The following KIN variants were observed in gnomAD, a reference collection of about 807,000 sequenced individuals.
KIN encodes Kin17 DNA and RNA binding protein, also known as DNA/RNA-binding protein KIN17.
Under a neutral mutation model 63.0 loss-of-function variants are expected in KIN, and 47 were observed. That is an observed-to-expected ratio of 0.75 (90% CI 0.59 to 0.95). The LOEUF is 0.95. Among genes scored for constraint, KIN ranks in the 40% least tolerant of loss-of-function variants. The pLI is 0.00. For synonymous variants in KIN, 160 were observed against 157.7 expected (o/e 1.01, Z -0.11); for missense variants, 408 against 460.9 (o/e 0.89, Z 1.05).
chr10:7,761,338 C>T (rs1321840152), intron 11 of KIN: 1 of 152,118 alleles, frequency 6.6e-6, no homozygotes, highest in African/African-American at 2.4e-5. Context: ...CTGATGTTAT[C>T]ACTACATTGG....
At chr10:7,774,971 G>A in intron 6 of KIN, 80 bp from the exon 7 acceptor site, 1 of 992,902 alleles carries the variant, frequency 1.0e-6, no homozygotes, top group Non-Finnish European at 1.6e-6. Context: ...ACTACAAAGT[G>A]TTCACAGAGG....
intron 7 of KIN, among the ~76,000 whole-genome samples, chr10:7,769,988 T>A (rs541104194): frequency 6.6e-6 from 1 of 152,318 alleles, no homozygotes; most frequent in African/African-American, 2.4e-5. Context: ...TGGAGTGCAG[T>A]GGCGCGATCT....
In KIN at chr10:7,780,148, T is replaced by C. The variant is rs1283691688; in HGVS notation, c.284A>G (p.Tyr95Cys). The change falls in exon 4 of 13, where the codon TAC becomes TGC. Residue 95 changes from tyrosine (Y) to cysteine (C), a missense_variant. Physicochemically the swap from Tyr to Cys is radical, Grantham distance 194 (BLOSUM62 -2). This residue lies in a region of KIN where 110 missense variants were observed against 164.9 expected (regional missense o/e 0.67). Coordinates refer to ENST00000379562, the MANE Select transcript of KIN (RefSeq NM_012311.4). ...CTCTCGGTGGCTGATGTATTCGTTG[T>C]AGACAATGTTGTTGTGGACCCTTTT... Reference protein sequence around the residue: ...GTKRVHNNIVYNEYISHREHI... With the variant: ...GTKRVHNNIVCNEYISHREHI... 2 of 1,612,908 alleles carry C rather than the reference T, an allele frequency of 1.2e-6. No homozygotes were observed. The highest frequency in any genetic ancestry group is 1.7e-4 in the Middle Eastern group (1 of 6,060).
chr10:7,763,739 T>G lies in KIN; in HGVS notation c.902A>C (p.Lys301Thr), dbSNP rs558356048. The G allele has an allele frequency of 6.7e-7, 1 of 1,486,752 alleles. No homozygotes were observed. 92.1% of individuals were successfully genotyped at this position (1,486,752 alleles called of 1,614,324 possible). Residue 301 changes from lysine to threonine, a missense_variant, in exon 10 of 13, where the codon AAA becomes ACA. Coordinates refer to ENST00000379562, the MANE Select transcript of KIN (RefSeq NM_012311.4). ...CGTCCTTACCTTAACAATAGCCTTT[T>G]TCTTATGATATTTCTCTCCCAGTTT... is the stretch of plus-strand genomic sequence containing the variant. ...TKKLGEKYHK[K>T]KAIVKEVIDK... is the part of the protein sequence containing the mutation.
chr10:7,768,586 C>T (rs1250616685), intron 8 of KIN, among the ~76,000 whole-genome samples: 1 of 151,810 alleles, frequency 6.6e-6, no homozygotes, highest in Admixed American at 6.6e-5. Flanking sequence ...CTAGGAGGTG[C>T]TAAGCGGAAG....
At chr10:7,785,608 C>T (rs369526499) in intron 1 of KIN, among the ~76,000 whole-genome samples, 13 of 152,070 alleles carry the variant, frequency 8.5e-5, no homozygotes, top group African/African-American at 2.4e-4. Flanking sequence ...GCCTGGCCAA[C>T]GTGGCAAAAC....
At chr10:7,766,149 T>C in intron 8 of KIN, 46 bp from the exon 9 acceptor site, 1 of 1,342,230 alleles carries the variant, frequency 7.5e-7, no homozygotes. Context: ...AAATCCTCAT[T>C]GGATTTCAAA....
chr10:7,758,688 A>T (rs1282909071), intron 12 of KIN, among the ~76,000 whole-genome samples: 1 of 152,152 alleles, frequency 6.6e-6, no homozygotes, highest in Non-Finnish European at 1.5e-5. Flanking sequence ...AAAAAAAAAA[A>T]AAAGAAATTA....
intron 12 of KIN, among the ~76,000 whole-genome samples, chr10:7,759,590 A>T (rs1835398645): frequency 6.6e-6 from 1 of 152,110 alleles, no homozygotes; most frequent in Non-Finnish European, 1.5e-5. Context: ...AAAGGAACAG[A>T]CCAAAATATT....
intron 11 of KIN, chr10:7,761,344 A>C (rs565566523): frequency 1.3e-5 from 2 of 152,228 alleles, no homozygotes; most frequent in Non-Finnish European, 2.9e-5. Flanking sequence ...TTATCACTAC[A>C]TTGGCAATGA....
intron 12 of KIN, among the ~76,000 whole-genome samples, chr10:7,759,522 GA>G (rs1835397651): frequency 6.6e-6 from 1 of 151,802 alleles, no homozygotes; most frequent in South Asian, 2.1e-4. Context: ...GATATGAGGG[GA>G]AAAAAGGATA....
In KIN at chr10:7,755,356, C is replaced by T. The variant is rs1269197736; in HGVS notation, c.*724G>A. 1 of 152,138 alleles carries T rather than the reference C, an allele frequency of 6.6e-6. No individual in the cohort carries two copies. The highest frequency in any genetic ancestry group is 2.4e-5 in the African/African-American group (1 of 41,430). The allele number at this position is 152,138 out of a possible 1,614,324, so 9.4% of individuals were successfully genotyped here. A position where few individuals can be genotyped will look rare whatever the true frequency, so the allele number is the denominator to read the frequency against. On this transcript the variant is annotated 3_prime_UTR_variant, in exon 13 of 13. Coordinates refer to ENST00000379562, the MANE Select transcript of KIN (RefSeq NM_012311.4). ...CCTACATGCTACTGCATGGATAAAC[C>T]TTGAAAACATGATGCTAAGTGTAAG...
At chr10:7,782,145 C>T (rs988534735) in intron 2 of KIN, among the ~76,000 whole-genome samples, 2 of 152,282 alleles carry the variant, frequency 1.3e-5, no homozygotes, top group East Asian at 3.9e-4. Flanking sequence ...ATCTAACCCA[C>T]ATAAACAGAA....
chr10:7,751,896 G>C lies in KIN; in HGVS notation c.*4184C>G, dbSNP rs1336084834. ...TAAAAATACAAAAAATTAGCCGGGC[G>C]CGGTGGCGGGCGCCTGTAGTCCCAG... On this transcript the variant is annotated 3_prime_UTR_variant, in exon 13 of 13. Transcript: ENST00000379562. 1.6e-3 allele frequency: 3 copies of C among 1,900 alleles called. 1 individual carries two copies. The South Asian group carries it at 0.021, about 13-fold the overall frequency. 0.1% of individuals were successfully genotyped at this position (1,900 alleles called of 1,614,324 possible). A position where few individuals can be genotyped will look rare whatever the true frequency, so the allele number is the denominator to read the frequency against.
chr10:7,762,536 T>G lies in KIN; in HGVS notation c.939A>C (p.Thr313=), dbSNP rs1195058732. 6.2e-7 allele frequency: 1 copy of G among 1,606,910 alleles called. No individual in the cohort carries two copies. Among genetic ancestry groups the G allele is most frequent in the Non-Finnish European group, 8.5e-7 (1 of 1,174,978 alleles). The part of the protein sequence containing the change: ...AIVKEVIDKY[T]AVVKMIDSGD... Reference sequence around the variant, plus strand: ...CAGAATCAATCATCTTCACAACAGCTGTATATTTGTCAATTACTTCCTGTC... The same window carrying G: ...CAGAATCAATCATCTTCACAACAGCGGTATATTTGTCAATTACTTCCTGTC... The change falls in exon 11 of 13, where the codon ACA becomes ACC. Residue 313 remains threonine, a synonymous_variant. Coordinates refer to ENST00000379562, the MANE Select transcript of KIN (RefSeq NM_012311.4).
rs35628791 is a variant in KIN, at chr10:7,778,871, C to T, written c.525G>A (p.Glu175=). The T allele has an allele frequency of 0.01, 16,257 of 1,614,080 alleles. 1,489 individuals are homozygous for T. The African/African-American group carries it at 0.19, about 19-fold the overall frequency. The change falls in exon 5 of 13, where the codon GAG becomes GAA. Residue 175 remains glutamate, a synonymous_variant. Transcript: ENST00000379562. ...TCCCTTCCAGGCCTCTTCTCACTTG[C>T]TCTTCAATAAATTTGGCAGTTTTTT... ...DEEKTAKFIE[E]QVRRGLEGKE...
intron 5 of KIN, among the ~76,000 whole-genome samples, chr10:7,778,474 C>T (rs1055542041): frequency 6.6e-6 from 1 of 152,198 alleles, no homozygotes; most frequent in African/African-American, 2.4e-5. Flanking sequence ...GGCACGGTGG[C>T]TCACGCCTGT....
intron 1 of KIN, among the ~76,000 whole-genome samples, chr10:7,783,836 T>A (rs1260977128): frequency 2.0e-5 from 3 of 152,070 alleles, no homozygotes; most frequent in Admixed American, 6.6e-5. Flanking sequence ...CCAGACAACA[T>A]CCTAGATTCC....
intron 12 of KIN, among the ~76,000 whole-genome samples, chr10:7,759,513 A>G (rs1835397381): frequency 6.6e-6 from 1 of 152,092 alleles, no homozygotes; most frequent in African/African-American, 2.4e-5. Context: ...TTTATATTCG[A>G]TATGAGGGGA....
Sources: allele counts gnomAD v4.1 joint callset (sites outside exome capture counted in the v4.1 genomes callset), GRCh38; gene constraint gnomAD v4.1.1; regional missense constraint gnomAD v4.1.1; transcripts MANE v1.5; gene names NCBI Gene and HGNC (gene_info 2026-07-23, HGNC 2026-07-21).